PPM1E: variants seen among roughly 807,000 people sequenced by gnomAD.
PPM1E encodes the protein protein phosphatase 1E.
Under a neutral mutation model 65.9 loss-of-function variants are expected in PPM1E, and 20 were observed. The ratio of observed to expected loss-of-function variants is 0.30; its 90% confidence interval spans 0.21 to 0.44. The LOEUF (loss-of-function observed/expected upper bound fraction) is 0.44. Among genes scored for constraint, PPM1E ranks in the 20% least tolerant of loss-of-function variants. PPM1E has a pLI of 1.00. For synonymous variants in PPM1E, 352 were observed against 374.9 expected (o/e 0.94, Z 0.70); for missense variants, 713 against 953.1 (o/e 0.75, Z 3.32).
At chr17:58,875,492 A>G (rs768976771) in intron 1 of PPM1E, among the ~76,000 whole-genome samples, 30 of 152,198 alleles carry the variant, frequency 2.0e-4, no homozygotes, top group Non-Finnish European at 3.8e-4. Flanking sequence ...TATATATACT[A>G]TACTTGTCAA....
intron 1 of PPM1E, among the ~76,000 whole-genome samples, chr17:58,782,675 G>T (rs945013187): frequency 7.9e-5 from 12 of 151,632 alleles, no homozygotes; most frequent in Non-Finnish European, 1.5e-4. Flanking sequence ...GCCTCCCAAA[G>T]TGCTGGGATT....
chr17:58,862,911 G>A (rs892750809), intron 1 of PPM1E, among the ~76,000 whole-genome samples: 4 of 152,090 alleles, frequency 2.6e-5, no homozygotes, highest in Non-Finnish European at 5.9e-5. Flanking sequence ...CTTTTTTGGA[G>A]CTTTATGTTG....
chr17:58,820,493 T>C (rs905629038), intron 1 of PPM1E, among the ~76,000 whole-genome samples: 2 of 152,190 alleles, frequency 1.3e-5, no homozygotes, highest in Admixed American at 6.5e-5. Context: ...TAATGTACAA[T>C]GAATTTTTGG....
intron 1 of PPM1E, among the ~76,000 whole-genome samples, chr17:58,803,619 T>C (rs983308235): frequency 6.6e-6 from 1 of 152,196 alleles, no homozygotes; most frequent in Non-Finnish European, 1.5e-5. Flanking sequence ...CAAATACCAG[T>C]AGTACCTTTC....
chr17:58,788,696 C>T (rs932376548), intron 1 of PPM1E, among the ~76,000 whole-genome samples: 2 of 152,152 alleles, frequency 1.3e-5, no homozygotes, highest in African/African-American at 4.8e-5. Context: ...GATATAATAG[C>T]AATGAACGTA....
At chr17:58,832,558 T>A (rs1270787737) in intron 1 of PPM1E, among the ~76,000 whole-genome samples, 1 of 152,158 alleles carries the variant, frequency 6.6e-6, no homozygotes, top group African/African-American at 2.4e-5. Context: ...TTAAAAATAA[T>A]CTGGAGTGTA....
intron 1 of PPM1E, among the ~76,000 whole-genome samples, chr17:58,897,467 C>G (rs2143455304): frequency 6.6e-6 from 1 of 152,058 alleles, no homozygotes; most frequent in African/African-American, 2.4e-5. Context: ...TGCAATGCAC[C>G]TGGTCACCCA....
At chr17:58,957,285 T>A (rs138819952) in intron 2 of PPM1E, among the ~76,000 whole-genome samples, 2 of 152,330 alleles carry the variant, frequency 1.3e-5, no homozygotes, top group Non-Finnish European at 2.9e-5. Context: ...TATACTGATG[T>A]CTTACGCTAC....
At chr17:58,770,586 TTC>T (rs1178518685) in intron 1 of PPM1E, among the ~76,000 whole-genome samples, 3 of 152,104 alleles carry the variant, frequency 2.0e-5, no homozygotes, top group Non-Finnish European at 4.4e-5. Flanking sequence ...AATAAAAGCG[TTC>T]TCTCAGATTG....
At position 58,983,324 on chromosome 17, in the gene PPM1E, C is replaced by CAT. The variant is rs2143862394; in HGVS notation, c.*2294_*2295dup. 1 of 160,596 alleles carries CAT rather than the reference C, an allele frequency of 6.2e-6. No homozygotes were observed. Among genetic ancestry groups the CAT allele is most frequent in the South Asian group, 1.9e-4 (1 of 5,362 alleles). The allele number at this position is 160,596 out of a possible 1,614,324, so 9.9% of individuals were successfully genotyped here. ...GCGTATTTATAGAGTAGTTAGGTACCATTTGTAAGGTAAATCCTTTAAAAT... is the reference window on the plus strand; with the variant it reads ...GCGTATTTATAGAGTAGTTAGGTACCATATTTGTAAGGTAAATCCTTTAAAAT... On this transcript the variant is annotated 3_prime_UTR_variant, in exon 7 of 7. Coordinates refer to ENST00000308249, the MANE Select transcript of PPM1E (RefSeq NM_014906.5).
chr17:58,852,861 C>T (rs2050842134), intron 1 of PPM1E, among the ~76,000 whole-genome samples: 1 of 152,150 alleles, frequency 6.6e-6, no homozygotes, highest in Admixed American at 6.5e-5. Context: ...CTTGGCCTTC[C>T]AAAGTGCTGG....
chr17:58,940,857 T>A (rs1166932686), intron 1 of PPM1E, among the ~76,000 whole-genome samples: 1 of 152,164 alleles, frequency 6.6e-6, no homozygotes, highest in Non-Finnish European at 1.5e-5. Context: ...GTTACAGGTG[T>A]ATGCCACCAT....
intron 2 of PPM1E, among the ~76,000 whole-genome samples, chr17:58,959,324 A>C (rs1169723484): frequency 4.0e-5 from 6 of 149,274 alleles, no homozygotes; most frequent in Non-Finnish European, 7.4e-5. Context: ...AAAAAAAAAA[A>C]AAAAACGACT....
intron 1 of PPM1E, among the ~76,000 whole-genome samples, chr17:58,889,498 G>T (rs890384023): frequency 2.0e-5 from 3 of 152,092 alleles, no homozygotes; most frequent in Non-Finnish European, 4.4e-5. Flanking sequence ...ACTTGGGAGG[G>T]TGAGGCAGGA....
intron 1 of PPM1E, among the ~76,000 whole-genome samples, chr17:58,928,742 G>A (rs1380054357): frequency 7.0e-6 from 1 of 142,174 alleles, no homozygotes; most frequent in African/African-American, 2.7e-5. Flanking sequence ...TGCTCTTGTT[G>A]CCCGGGCTGG....
chr17:58,817,964 C>T (rs570286829), intron 1 of PPM1E, among the ~76,000 whole-genome samples: 86 of 152,226 alleles, frequency 5.6e-4, no homozygotes, highest in Admixed American at 3.3e-3. Flanking sequence ...TGGTCTTGAT[C>T]TCCTGACCTC....
rs2051864510 is a variant in PPM1E, at chr17:58,929,380, A to G, written c.465-26269A>G. Among the ~76,000 whole-genome samples the G allele has an allele frequency of 2.0e-5, 3 of 152,316 alleles. No homozygotes were observed. The South Asian group carries it at 6.2e-4, about 32-fold the overall frequency. On this transcript the variant is annotated intron_variant, in intron 1 of 6. Coordinates refer to ENST00000308249, the MANE Select transcript of PPM1E (RefSeq NM_014906.5). ...ATATCTTGGTAGGGTTTTGAGTTACATAGGTAAATGCATTTGCCAAAATTC... is the reference window on the plus strand; with the variant it reads ...ATATCTTGGTAGGGTTTTGAGTTACGTAGGTAAATGCATTTGCCAAAATTC...
chr17:58,978,337 AATG>A (rs1441260034), intron 6 of PPM1E, among the ~76,000 whole-genome samples: 2 of 152,148 alleles, frequency 1.3e-5, no homozygotes, highest in African/African-American at 4.8e-5. Context: ...AATACTATGT[AATG>A]ATGATTTATG....
At chr17:58,867,834 A>T (rs1031437387) in intron 1 of PPM1E, among the ~76,000 whole-genome samples, 4 of 152,282 alleles carry the variant, frequency 2.6e-5, no homozygotes, top group Admixed American at 1.3e-4. Flanking sequence ...TCCTTATCAA[A>T]TGCATGGGGG....
Sources: allele counts gnomAD v4.1 joint callset (sites outside exome capture counted in the v4.1 genomes callset), GRCh38; gene constraint gnomAD v4.1.1; transcripts MANE v1.5; gene names NCBI Gene and HGNC (gene_info 2026-07-23, HGNC 2026-07-21).